The following LRP1B variants were observed in gnomAD, a reference collection of about 807,000 sequenced individuals.
LRP1B encodes low-density lipoprotein receptor-related protein 1B.
A neutral mutation model predicts 556.6 loss-of-function variants in LRP1B; 217 were observed. That is an observed-to-expected ratio of 0.39 (90% confidence interval 0.35 to 0.44). LRP1B has a LOEUF of 0.44. Among genes scored for constraint, LRP1B ranks in the 20% least tolerant of loss-of-function variants. The probability of loss-of-function intolerance (pLI) is 1.00; values close to 1 mark genes in which losing one functional copy is unlikely to be tolerated. For missense variants in LRP1B, 5,053 were observed against 5,620.8 expected, an observed-to-expected ratio of 0.90 and a Z score of 3.23; for synonymous variants, 2,047 against 1,865.8, an observed-to-expected ratio of 1.10 and a Z score of -2.50.
At chr2:141,040,055 T>C (rs16845175) in intron 11 of LRP1B, among the ~76,000 whole-genome samples, 2,284 of 152,180 alleles carry the variant, frequency 0.015, 62 homozygotes, top group African/African-American at 0.052. Flanking sequence ...ACAATATTCA[T>C]TGATCTCAAG....
At chr2:140,835,232 C>T (rs549303085) in intron 31 of LRP1B, among the ~76,000 whole-genome samples, 12 of 152,260 alleles carry the variant, frequency 7.9e-5, no homozygotes, top group South Asian at 2.1e-4. Context: ...AAAACACAGA[C>T]GTAAGAGCTT....
intron 2 of LRP1B, among the ~76,000 whole-genome samples, chr2:141,563,633 AC>A (rs2105251549): frequency 6.6e-6 from 1 of 152,162 alleles, no homozygotes; most frequent in East Asian, 1.9e-4. Flanking sequence ...GTTGAGAAGA[AC>A]CTAAATTTAA....
chr2:141,999,498 C>T (rs1005494389), intron 1 of LRP1B, among the ~76,000 whole-genome samples: 5 of 151,530 alleles, frequency 3.3e-5, no homozygotes, highest in South Asian at 2.1e-4. Context: ...TACAAAAGAC[C>T]GCAATGGCTT....
chr2:140,735,068 T>C lies in LRP1B; in HGVS notation c.5759-18252A>G, dbSNP rs1191958416. ...AGATGATGGGAGTGGGCTGAGAAAATAAACAGTAAGACAGAGTTTTAGGTT... is the reference window on the plus strand; with the variant it reads ...AGATGATGGGAGTGGGCTGAGAAAACAAACAGTAAGACAGAGTTTTAGGTT... On this transcript the variant is annotated intron_variant, in intron 35 of 90. Transcript: ENST00000389484. Among the ~76,000 whole-genome samples the C allele has an allele frequency of 2.6e-5, 4 of 152,212 alleles. No individual in the cohort carries two copies. The East Asian group carries it at 7.7e-4, about 29-fold the overall frequency.
intron 29 of LRP1B, among the ~76,000 whole-genome samples, chr2:140,846,374 C>G (rs1469986356): frequency 6.6e-6 from 1 of 152,012 alleles, no homozygotes; most frequent in Non-Finnish European, 1.5e-5. Flanking sequence ...CTCACGAAAG[C>G]CTGAACCAAG....
chr2:141,083,319 TTAACA>T (rs895312627), intron 7 of LRP1B, among the ~76,000 whole-genome samples: 9 of 151,636 alleles, frequency 5.9e-5, no homozygotes, highest in Non-Finnish European at 1.2e-4. Flanking sequence ...TAGCTAAAAC[TTAACA>T]TATTTAATAT....
intron 3 of LRP1B, among the ~76,000 whole-genome samples, chr2:141,456,771 A>C (rs1681647270): frequency 6.6e-6 from 1 of 152,202 alleles, no homozygotes; most frequent in Non-Finnish European, 1.5e-5. Flanking sequence ...AAAGTATTTC[A>C]AGTAGTGGGA....
chr2:140,957,053 C>A (rs1695895218), intron 18 of LRP1B, among the ~76,000 whole-genome samples: 1 of 151,542 alleles, frequency 6.6e-6, no homozygotes, highest in Admixed American at 6.6e-5. Flanking sequence ...AGAGTGCTTA[C>A]AATCTACTAG....
intron 43 of LRP1B, among the ~76,000 whole-genome samples, chr2:140,596,530 A>G (rs1682447608): frequency 6.6e-6 from 1 of 152,210 alleles, no homozygotes; most frequent in Non-Finnish European, 1.5e-5. Context: ...ATAGTTTCAT[A>G]TTCAGTAATG....
chr2:141,305,249 C>T (rs1309324206), intron 3 of LRP1B, among the ~76,000 whole-genome samples: 1 of 152,064 alleles, frequency 6.6e-6, no homozygotes, highest in Non-Finnish European at 1.5e-5. Flanking sequence ...TTTATCCTCC[C>T]CAATTACTTT....
At chr2:140,460,137 G>A (rs1003120216) in intron 60 of LRP1B, among the ~76,000 whole-genome samples, 1 of 152,060 alleles carries the variant, frequency 6.6e-6, no homozygotes, top group Non-Finnish European at 1.5e-5. Flanking sequence ...GCAAAAGAGG[G>A]GTAGAAAAAA....
intron 2 of LRP1B, among the ~76,000 whole-genome samples, chr2:141,527,218 G>A (rs183674977): frequency 2.6e-5 from 4 of 152,068 alleles, no homozygotes; most frequent in African/African-American, 7.2e-5. Context: ...CTATGACACC[G>A]ATGAAGATAG....
intron 41 of LRP1B, among the ~76,000 whole-genome samples, chr2:140,693,609 C>T (rs949129364): frequency 2.0e-5 from 3 of 151,910 alleles, no homozygotes; most frequent in Non-Finnish European, 4.4e-5. Context: ...TTATGTCCTT[C>T]ATAAACATTT....
At chr2:140,374,619 G>A (rs1683139584) in intron 68 of LRP1B, among the ~76,000 whole-genome samples, 1 of 151,876 alleles carries the variant, frequency 6.6e-6, no homozygotes, top group South Asian at 2.1e-4. Flanking sequence ...TTAGTGCCGG[G>A]GACATAGTAA....
At chr2:140,929,756 T>TCACACACA (rs3063648) in intron 20 of LRP1B, among the ~76,000 whole-genome samples, 34,170 of 139,002 alleles carry the variant, frequency 0.25, 4,815 homozygotes, top group South Asian at 0.32. Context: ...TCATATAGAC[T>TCACACACA]CACACACACA....
intron 41 of LRP1B, among the ~76,000 whole-genome samples, chr2:140,639,904 C>CCTCAGAGTCT (rs1478789678): frequency 6.6e-6 from 1 of 152,150 alleles, no homozygotes; most frequent in Non-Finnish European, 1.5e-5. Flanking sequence ...TGTGCTACTA[C>CCTCAGAGTCT]CTCAGAGTCT....
At chr2:141,848,057 G>A (rs1299345466) in intron 1 of LRP1B, among the ~76,000 whole-genome samples, 2 of 151,478 alleles carry the variant, frequency 1.3e-5, no homozygotes, top group Non-Finnish European at 3.0e-5. Context: ...AATGAGTAAG[G>A]AGAATATAGA....
intron 43 of LRP1B, among the ~76,000 whole-genome samples, chr2:140,543,102 G>C (rs1009911708): frequency 6.6e-6 from 1 of 152,050 alleles, no homozygotes; most frequent in Non-Finnish European, 1.5e-5. Context: ...CTAACAAATC[G>C]TAAAAGCCAA....
intron 15 of LRP1B, among the ~76,000 whole-genome samples, chr2:141,004,587 T>C (rs1697515374): frequency 6.6e-6 from 1 of 152,098 alleles, no homozygotes; most frequent in Non-Finnish European, 1.5e-5. Flanking sequence ...AATTTATAAT[T>C]ACACAAGGCA....
Sources: gnomAD v4.1 joint callset for allele counts (sites outside exome capture counted in the v4.1 genomes callset) on GRCh38, gnomAD v4.1.1 for gene constraint, MANE v1.5 for transcripts, NCBI Gene and HGNC (gene_info 2026-07-23, HGNC 2026-07-21) for gene names.